SND1: variants seen among roughly 807,000 people sequenced by gnomAD.
SND1 encodes the protein staphylococcal nuclease domain-containing protein 1.
In SND1, 38 loss-of-function variants were observed where a neutral mutation model predicts 121.7. The ratio of observed to expected loss-of-function variants is 0.31; its 90% confidence interval spans 0.24 to 0.41. The LOEUF (loss-of-function observed/expected upper bound fraction) is 0.41, where lower values mean the gene tolerates loss of function less well. Among genes scored for constraint, SND1 ranks in the 10% least tolerant of loss-of-function variants. The probability of loss-of-function intolerance (pLI) is 1.00; values close to 1 mark genes in which losing one functional copy is unlikely to be tolerated. For missense variants in SND1, 868 were observed against 1,184.6 expected (o/e 0.73, Z 3.92); for synonymous variants, 401 against 447.4 (o/e 0.90, Z 1.31).
At chr7:127,854,986 T>C (rs995291943) in intron 12 of SND1, among the ~76,000 whole-genome samples, 12 of 151,566 alleles carry the variant, frequency 7.9e-5, no homozygotes, top group East Asian at 7.7e-4. Flanking sequence ...GCTCCTATTT[T>C]GGGGGTGCTT....
At chr7:128,080,177 C>G (rs1433440687) in intron 17 of SND1, among the ~76,000 whole-genome samples, 1 of 152,248 alleles carries the variant, frequency 6.6e-6, no homozygotes. Flanking sequence ...CTGTGTGCGT[C>G]TGTGGGACCC....
At chr7:127,985,817 C>T (rs1014827099) in intron 15 of SND1, among the ~76,000 whole-genome samples, 1 of 152,172 alleles carries the variant, frequency 6.6e-6, no homozygotes, top group Admixed American at 6.5e-5. Flanking sequence ...CAGTGTACCC[C>T]GTGGACAGAA....
intron 1 of SND1, among the ~76,000 whole-genome samples, chr7:127,660,542 G>A (rs1795290940): frequency 6.6e-6 from 1 of 152,064 alleles, no homozygotes; most frequent in Non-Finnish European, 1.5e-5. Context: ...TGAAACGCTT[G>A]GACTAGAAGT....
At chr7:127,906,108 C>G (rs1293546722) in intron 14 of SND1, among the ~76,000 whole-genome samples, 1 of 152,144 alleles carries the variant, frequency 6.6e-6, no homozygotes, top group Non-Finnish European at 1.5e-5. Context: ...TTCTCTATAA[C>G]CAGTCACTGC....
intron 11 of SND1, among the ~76,000 whole-genome samples, chr7:127,830,910 C>A (rs765008470): frequency 3.9e-4 from 59 of 152,104 alleles, no homozygotes; most frequent in Non-Finnish European, 7.9e-4. Context: ...AGTTAGAGTT[C>A]TAGTAAAAGG....
At chr7:127,986,306 G>C (rs553508943) in intron 15 of SND1, among the ~76,000 whole-genome samples, 1 of 152,230 alleles carries the variant, frequency 6.6e-6, no homozygotes, top group African/African-American at 2.4e-5. Context: ...TTTTTTAATA[G>C]AATGATTGCT....
At chr7:127,988,354 A>G in intron 15 of SND1, among the ~76,000 whole-genome samples, 1 of 152,158 alleles carries the variant, frequency 6.6e-6, no homozygotes, top group Non-Finnish European at 1.5e-5. Flanking sequence ...AGGGCACAGA[A>G]GCACCCTACT....
chr7:127,901,258 C>G (rs2116758810), intron 13 of SND1, among the ~76,000 whole-genome samples: 1 of 152,288 alleles, frequency 6.6e-6, no homozygotes, highest in Middle Eastern at 3.4e-3. Context: ...GTCTCCATGT[C>G]ATGTATCCTC....
chr7:127,659,084 T>C (rs1795263541), intron 1 of SND1, among the ~76,000 whole-genome samples: 1 of 152,240 alleles, frequency 6.6e-6, no homozygotes, highest in Non-Finnish European at 1.5e-5. Flanking sequence ...ATGAAGGAAC[T>C]CAACTCTTAC....
chr7:128,054,514 G>A (rs1793102964), intron 16 of SND1, among the ~76,000 whole-genome samples: 2 of 152,246 alleles, frequency 1.3e-5, no homozygotes, highest in African/African-American at 4.8e-5. Flanking sequence ...CTGCATAGCA[G>A]ATATGAATGC....
At chr7:127,949,844 A>G (rs1357235826) in intron 15 of SND1, among the ~76,000 whole-genome samples, 1 of 152,186 alleles carries the variant, frequency 6.6e-6, no homozygotes, top group Non-Finnish European at 1.5e-5. Context: ...TTTGTGCTCT[A>G]TCACTTTGTT....
rs1242411930 is a variant in SND1, at chr7:128,006,409, C to G, written c.1779+15353C>G. On this transcript the variant is annotated intron_variant, in intron 16 of 23. Transcript: ENST00000354725. ...GGAAAGGTAATGGGGTATCCTCCCC[C>G]CACCTCCCAAATAGGACAGTTAGCT... Among the ~76,000 whole-genome samples, 4 of 152,316 alleles carry G rather than the reference C, an allele frequency of 2.6e-5. No homozygotes were observed. The East Asian group carries it at 7.7e-4, about 29-fold the overall frequency.
At chr7:127,846,844 AG>A (rs1451982248) in intron 12 of SND1, among the ~76,000 whole-genome samples, 1 of 152,122 alleles carries the variant, frequency 6.6e-6, no homozygotes, top group Admixed American at 6.5e-5. Flanking sequence ...TGCCAAAGAG[AG>A]GCCATCTCTA....
At chr7:127,887,531 C>A (rs1342882437) in intron 12 of SND1, among the ~76,000 whole-genome samples, 1 of 151,974 alleles carries the variant, frequency 6.6e-6, no homozygotes, top group Admixed American at 6.6e-5. Context: ...TTTATATGTT[C>A]CATTTTTTTC....
At chr7:127,966,980 A>G (rs1054097323) in intron 15 of SND1, among the ~76,000 whole-genome samples, 2 of 152,206 alleles carry the variant, frequency 1.3e-5, no homozygotes, top group Non-Finnish European at 2.9e-5. Flanking sequence ...CACTAGTGGC[A>G]TTTGGGTGGA....
chr7:127,771,091 T>G (rs1321370257), intron 10 of SND1, among the ~76,000 whole-genome samples: 1 of 152,234 alleles, frequency 6.6e-6, no homozygotes, highest in African/African-American at 2.4e-5. Flanking sequence ...GGATGACATC[T>G]GGACTCAGTA....
chr7:127,760,906 T>C (rs1386285074), intron 10 of SND1, among the ~76,000 whole-genome samples: 1 of 152,234 alleles, frequency 6.6e-6, no homozygotes, highest in Non-Finnish European at 1.5e-5. Flanking sequence ...AGAAACTATA[T>C]TGTAATCGCA....
intron 12 of SND1, among the ~76,000 whole-genome samples, chr7:127,864,935 G>T (rs753549821): frequency 9.9e-5 from 15 of 152,176 alleles, no homozygotes; most frequent in East Asian, 1.9e-4. Flanking sequence ...ATTTTTATAG[G>T]GTGGGGGTAG....
At chr7:127,801,837 C>T (rs1343041778) in intron 10 of SND1, among the ~76,000 whole-genome samples, 1 of 152,034 alleles carries the variant, frequency 6.6e-6, no homozygotes, top group African/African-American at 2.4e-5. Context: ...GTCAAAAATT[C>T]ATGTATAGAA....
Sources: allele counts gnomAD v4.1 joint callset (sites outside exome capture counted in the v4.1 genomes callset), GRCh38; gene constraint gnomAD v4.1.1; transcripts MANE v1.5; gene names NCBI Gene and HGNC (gene_info 2026-07-23, HGNC 2026-07-21).